HS6ST3: variants seen among roughly 807,000 people sequenced by gnomAD.
HS6ST3 encodes the protein heparan-sulfate 6-O-sulfotransferase 3.
HS6ST3 carries 12 observed loss-of-function variants against 36.7 expected under a neutral mutation model. The ratio of observed to expected loss-of-function variants is 0.33; its 90% CI spans 0.21 to 0.53. The LOEUF (loss-of-function observed/expected upper bound fraction) is 0.53. Ranked by LOEUF, HS6ST3 falls within the 20% of genes least tolerant of loss-of-function variation. The probability of loss-of-function intolerance (pLI) is 0.95; values close to 1 mark genes in which losing one functional copy is unlikely to be tolerated. For synonymous variants in HS6ST3, 240 were observed against 257.5 expected, an observed-to-expected ratio of 0.93 and a Z score of 0.65; for missense variants, 584 against 640.9, an observed-to-expected ratio of 0.91 and a Z score of 0.96.
intron 1 of HS6ST3, among the ~76,000 whole-genome samples, chr13:96,294,034 C>G (rs2054842816): frequency 2.0e-5 from 3 of 152,030 alleles, no homozygotes; most frequent in Non-Finnish European, 2.9e-5. Flanking sequence ...CCATTAATGT[C>G]TAGAGGAATG....
Position 96,747,025 on chromosome 13 carries a change from AT to A in HS6ST3, c.708-85456del, listed in dbSNP as rs554791468. 1.1e-3 allele frequency among the ~76,000 whole-genome samples: 173 copies of A among 151,288 alleles called. 1 individual carries two copies. The highest frequency in any genetic ancestry group is 6.7e-3 in the South Asian group (32 of 4,794). ...TTGACTTCCATTATACTGCGAGACTATTTTTTTTTCCCAACCTCCCTACCAT... is the reference window on the plus strand; with the variant it reads ...TTGACTTCCATTATACTGCGAGACTATTTTTTTTCCCAACCTCCCTACCAT... On this transcript the variant is annotated intron_variant, in intron 1 of 1. Coordinates refer to ENST00000376705, the MANE Select transcript of HS6ST3 (RefSeq NM_153456.4).
At chr13:96,679,208 A>C (rs1197741058) in intron 1 of HS6ST3, among the ~76,000 whole-genome samples, 2 of 151,030 alleles carry the variant, frequency 1.3e-5, no homozygotes, top group Non-Finnish European at 1.5e-5. Context: ...GGTAGGGCCA[A>C]TGCTTATCTC....
At chr13:96,496,317 A>G (rs993661546) in intron 1 of HS6ST3, among the ~76,000 whole-genome samples, 2 of 152,136 alleles carry the variant, frequency 1.3e-5, no homozygotes, top group Non-Finnish European at 2.9e-5. Flanking sequence ...ACTCTGGAAG[A>G]TTGCTTCCAA....
intron 1 of HS6ST3, among the ~76,000 whole-genome samples, chr13:96,198,495 G>A (rs893033526): frequency 6.6e-6 from 1 of 152,152 alleles, no homozygotes. Context: ...AAAACTAAAT[G>A]CCTTTAACAG....
intron 1 of HS6ST3, among the ~76,000 whole-genome samples, chr13:96,539,875 T>A (rs2056171149): frequency 6.6e-6 from 1 of 152,196 alleles, no homozygotes; most frequent in Non-Finnish European, 1.5e-5. Context: ...TATCTTCAAC[T>A]ACTCCCTTAT....
At position 96,192,997 on chromosome 13, in the gene HS6ST3, T is replaced by C. The variant is rs139818463; in HGVS notation, c.707+101428T>C. On this transcript the variant is annotated intron_variant, in intron 1 of 1. Coordinates refer to ENST00000376705, the MANE Select transcript of HS6ST3 (RefSeq NM_153456.4). Reference sequence around the variant, plus strand: ...ATCTTGGACTGTCTGTCAGCCTCCCTGATTGCTGCTGTTCCTCTCTCGGCA... The same window carrying C: ...ATCTTGGACTGTCTGTCAGCCTCCCCGATTGCTGCTGTTCCTCTCTCGGCA... Among the ~76,000 whole-genome samples, 44 of 152,296 alleles carry C rather than the reference T, an allele frequency of 2.9e-4. No individual in the cohort carries two copies. In the South Asian group the frequency reaches 9.1e-3, roughly 32 times the overall value.
intron 1 of HS6ST3, among the ~76,000 whole-genome samples, chr13:96,765,588 T>TCTCTC (rs1877089470): frequency 6.2e-4 from 89 of 142,702 alleles, no homozygotes; most frequent in Middle Eastern, 3.8e-3. Flanking sequence ...CTCTCTCTCT[T>TCTCTC]TCTCTCTCTC....
At chr13:96,186,726 G>A (rs1174993016) in intron 1 of HS6ST3, among the ~76,000 whole-genome samples, 1 of 152,166 alleles carries the variant, frequency 6.6e-6, no homozygotes, top group Non-Finnish European at 1.5e-5. Flanking sequence ...TCCCCTGAAT[G>A]TTCCTTCACA....
chr13:96,758,146 A>G (rs1193776631), intron 1 of HS6ST3, among the ~76,000 whole-genome samples: 1 of 151,300 alleles, frequency 6.6e-6, no homozygotes, highest in Non-Finnish European at 1.5e-5. Flanking sequence ...ATTTTTTTCT[A>G]TTTTTCTTGT....
intron 1 of HS6ST3, among the ~76,000 whole-genome samples, chr13:96,641,177 A>G (rs1388117780): frequency 6.6e-6 from 1 of 151,860 alleles, no homozygotes; most frequent in Non-Finnish European, 1.5e-5. Flanking sequence ...TGTTTGTACC[A>G]TTTATGATTT....
At chr13:96,282,112 T>A (rs369498994) in intron 1 of HS6ST3, among the ~76,000 whole-genome samples, 1 of 152,208 alleles carries the variant, frequency 6.6e-6, no homozygotes, top group Non-Finnish European at 1.5e-5. Context: ...TCACATCTAA[T>A]GTACCTTCTT....
chr13:96,484,244 C>T (rs1289653346), intron 1 of HS6ST3, among the ~76,000 whole-genome samples: 1 of 152,010 alleles, frequency 6.6e-6, no homozygotes, highest in Non-Finnish European at 1.5e-5. Context: ...ATGATCATTG[C>T]AATCAAGCTG....
intron 1 of HS6ST3, among the ~76,000 whole-genome samples, chr13:96,477,830 A>G (rs1324764745): frequency 1.3e-5 from 2 of 152,168 alleles, no homozygotes; most frequent in Non-Finnish European, 2.9e-5. Context: ...AGATCGCACC[A>G]TTGCTTCAGT....
chr13:96,281,500 T>C (rs1009077041), intron 1 of HS6ST3, among the ~76,000 whole-genome samples: 2 of 152,152 alleles, frequency 1.3e-5, no homozygotes, highest in Non-Finnish European at 2.9e-5. Context: ...GTAGTACAGG[T>C]AATGCCTCTC....
intron 1 of HS6ST3, among the ~76,000 whole-genome samples, chr13:96,495,580 A>G (rs1406548422): frequency 2.0e-5 from 3 of 152,104 alleles, no homozygotes; most frequent in Non-Finnish European, 2.9e-5. Flanking sequence ...AGTCCTGATC[A>G]AGCTAAGATT....
chr13:96,663,129 G>T (rs1009232508), intron 1 of HS6ST3, among the ~76,000 whole-genome samples: 2 of 152,136 alleles, frequency 1.3e-5, no homozygotes, highest in Non-Finnish European at 2.9e-5. Flanking sequence ...AGGGGTGGCT[G>T]GGGGAGCTCC....
chr13:96,231,835 A>C (rs969597682), intron 1 of HS6ST3, among the ~76,000 whole-genome samples: 2 of 152,184 alleles, frequency 1.3e-5, no homozygotes, highest in African/African-American at 2.4e-5. Flanking sequence ...GATAGAGTAC[A>C]TAGGGGGGTT....
At chr13:96,700,775 C>T (rs889637174) in intron 1 of HS6ST3, among the ~76,000 whole-genome samples, 3 of 152,172 alleles carry the variant, frequency 2.0e-5, no homozygotes, top group Non-Finnish European at 4.4e-5. Context: ...GCTTATCACA[C>T]TGGAAAAGGT....
chr13:96,413,142 G>A (rs1275498641), intron 1 of HS6ST3, among the ~76,000 whole-genome samples: 1 of 152,098 alleles, frequency 6.6e-6, no homozygotes, highest in East Asian at 1.9e-4. Flanking sequence ...TTGAAGGGAT[G>A]CTTTCTGTAT....
Sources: allele counts gnomAD v4.1 joint callset (sites outside exome capture counted in the v4.1 genomes callset), GRCh38; gene constraint gnomAD v4.1.1; transcripts MANE v1.5; gene names NCBI Gene and HGNC (gene_info 2026-07-23, HGNC 2026-07-21).